Variants in MGAT4C observed in about 807,000 individuals in gnomAD.
MGAT4C encodes MGAT4 family member C, also known as alpha-1,3-mannosyl-glycoprotein 4-beta-N-acetylglucosaminyltransferase C.
MGAT4C carries 19 observed loss-of-function variants against 40.1 expected under a neutral mutation model. The observed-to-expected ratio is 0.47, with a 90% CI of 0.33 to 0.70. The LOEUF (loss-of-function observed/expected upper bound fraction) is 0.70. MGAT4C is among the 30% of genes least tolerant of loss of function. MGAT4C has a pLI of 0.02. For synonymous variants in MGAT4C, 181 were observed against 187.1 expected (o/e 0.97, Z 0.27); for missense variants, 491 against 563.2 (o/e 0.87, Z 1.30).
chr12:86,067,567 G>A (rs1431766868), intron 1 of MGAT4C, among the ~76,000 whole-genome samples: 1 of 151,890 alleles, frequency 6.6e-6, no homozygotes, highest in Non-Finnish European at 1.5e-5. Context: ...GGGGGTGGGG[G>A]GATAGCGGAG....
At chr12:85,986,579 T>A (rs1286643018) in intron 3 of MGAT4C, among the ~76,000 whole-genome samples, 1 of 152,194 alleles carries the variant, frequency 6.6e-6, no homozygotes, top group Non-Finnish European at 1.5e-5. Flanking sequence ...AAGACGAGAA[T>A]AGAATCTGTT....
At chr12:86,652,688 A>C (rs1963726907) in intron 2 of MGAT4C, among the ~76,000 whole-genome samples, 1 of 151,956 alleles carries the variant, frequency 6.6e-6, no homozygotes, top group Admixed American at 6.6e-5. Context: ...GAAAAACAAA[A>C]AAATGAAATA....
At chr12:86,662,040 C>T (rs1299163740) in intron 2 of MGAT4C, among the ~76,000 whole-genome samples, 1 of 152,100 alleles carries the variant, frequency 6.6e-6, no homozygotes, top group Non-Finnish European at 1.5e-5. Context: ...TTGGACTAAC[C>T]TACCCTAATT....
chr12:86,686,774 G>A (rs762979460), intron 2 of MGAT4C, among the ~76,000 whole-genome samples: 10 of 152,220 alleles, frequency 6.6e-5, no homozygotes, highest in East Asian at 3.9e-4. Context: ...GATCTTCATC[G>A]GAGATACTGG....
At chr12:86,408,348 T>C (rs1187497495) in intron 3 of MGAT4C, among the ~76,000 whole-genome samples, 2 of 151,520 alleles carry the variant, frequency 1.3e-5, no homozygotes, top group African/African-American at 4.8e-5. Flanking sequence ...GATTTATATA[T>C]GTGTTTGAGG....
intron 4 of MGAT4C, among the ~76,000 whole-genome samples, chr12:86,269,598 A>G (rs1952890729): frequency 6.6e-6 from 1 of 150,642 alleles, no homozygotes; most frequent in Non-Finnish European, 1.5e-5. Flanking sequence ...TGTAGAAGAG[A>G]TCTCCAGTAT....
At chr12:86,562,432 T>C (rs535015678) in intron 2 of MGAT4C, among the ~76,000 whole-genome samples, 63 of 152,238 alleles carry the variant, frequency 4.1e-4, no homozygotes, top group African/African-American at 1.5e-3. Flanking sequence ...TCCTAAATTC[T>C]GAGGAGGCTT....
In MGAT4C at chr12:85,959,593, A is replaced by T. The variant is rs1883001029; in HGVS notation, c.*19696T>A. On this transcript the variant is annotated 3_prime_UTR_variant, in exon 5 of 5. Coordinates refer to ENST00000611864, the MANE Select transcript of MGAT4C (RefSeq NM_001351288.2). ...CACTCTATTCAAAAAAGTTATTGAA[A>T]TCACATCTTTAAATCTGACCCAGCC... The T allele has an allele frequency of 6.6e-6, 1 of 152,020 alleles. No individual in the cohort carries two copies. Among genetic ancestry groups the T allele is most frequent in the Admixed American group, 6.6e-5 (1 of 15,242 alleles). 9.4% of individuals were successfully genotyped at this position (152,020 alleles called of 1,614,324 possible). A position where few individuals can be genotyped will look rare whatever the true frequency, so the allele number is the denominator to read the frequency against.
chr12:86,295,750 A>G (rs1344617930), intron 4 of MGAT4C, among the ~76,000 whole-genome samples: 1 of 152,080 alleles, frequency 6.6e-6, no homozygotes, highest in Non-Finnish European at 1.5e-5. Flanking sequence ...TCCCCATCAG[A>G]TTAGTTAGAT....
At chr12:86,021,552 C>T (rs1167995404) in intron 2 of MGAT4C, among the ~76,000 whole-genome samples, 1 of 131,844 alleles carries the variant, frequency 7.6e-6, no homozygotes, top group Non-Finnish European at 1.5e-5. Context: ...AACACATGGA[C>T]ACAGTAAGGG....
intron 2 of MGAT4C, among the ~76,000 whole-genome samples, chr12:86,686,125 C>T (rs1950068560): frequency 6.6e-6 from 1 of 151,864 alleles, no homozygotes; most frequent in Non-Finnish European, 1.5e-5. Flanking sequence ...ATGATCTGCC[C>T]GTCTCAGCCT....
chr12:86,186,063 A>G (rs1265030915), intron 1 of MGAT4C, among the ~76,000 whole-genome samples: 1 of 152,176 alleles, frequency 6.6e-6, no homozygotes, highest in Non-Finnish European at 1.5e-5. Flanking sequence ...TCATTTAGCT[A>G]TGGCCAAAGG....
chr12:86,196,768 T>C (rs1026371082), intron 1 of MGAT4C, among the ~76,000 whole-genome samples: 1 of 152,194 alleles, frequency 6.6e-6, no homozygotes, highest in African/African-American at 2.4e-5. Flanking sequence ...ATAGGTAATC[T>C]CTTTAAGGAG....
chr12:86,516,752 A>G lies in MGAT4C; in HGVS notation c.-228-81487T>C, dbSNP rs376251273. Reference sequence around the variant, plus strand: ...AAGACTTATATAAACAACTGCTGCAATTTAATCAAAAATCACATGAAAATA... The same window carrying G: ...AAGACTTATATAAACAACTGCTGCAGTTTAATCAAAAATCACATGAAAATA... On this transcript the variant is annotated intron_variant, in intron 2 of 7. Coordinates refer to the MGAT4C transcript ENST00000548651. 3.5e-3 allele frequency among the ~76,000 whole-genome samples: 527 copies of G among 152,312 alleles called. 5 individuals carry two copies. The highest frequency in any genetic ancestry group is 0.012 in the African/African-American group (510 of 41,578).
intron 2 of MGAT4C, among the ~76,000 whole-genome samples, chr12:86,544,863 T>C (rs192252550): frequency 6.6e-6 from 1 of 152,218 alleles, no homozygotes; most frequent in Admixed American, 6.5e-5. Flanking sequence ...ACTCAATAGA[T>C]ACATTATTCT....
At chr12:86,573,223 T>A in intron 2 of MGAT4C, among the ~76,000 whole-genome samples, 1 of 152,040 alleles carries the variant, frequency 6.6e-6, no homozygotes, top group East Asian at 1.9e-4. Flanking sequence ...CATTTTAATA[T>A]TTTTGAAATA....
Position 86,832,183 on chromosome 12 carries a change from C to G in MGAT4C, c.-262+6483G>C, listed in dbSNP as rs540942097. On this transcript the variant is annotated intron_variant, in intron 1 of 7. Coordinates refer to the MGAT4C transcript ENST00000548651. The stretch of plus-strand genomic sequence containing the variant: ...ACTTCTTCGAAACAAAGCAGAATTA[C>G]CACCTGGCAAAGATTTCCCTCAAGC... Among the ~76,000 whole-genome samples the G allele has an allele frequency of 3.3e-5, 5 of 151,840 alleles. No individual in the cohort carries two copies. The East Asian group carries it at 9.7e-4, about 29-fold the overall frequency.
intron 2 of MGAT4C, among the ~76,000 whole-genome samples, chr12:86,700,834 A>G (rs1409008085): frequency 1.3e-5 from 2 of 152,126 alleles, no homozygotes; most frequent in African/African-American, 4.8e-5. Flanking sequence ...AAACAAATAC[A>G]CCAGGAAGAA....
intron 2 of MGAT4C, among the ~76,000 whole-genome samples, chr12:86,655,569 A>G (rs774876849): frequency 1.3e-5 from 2 of 152,108 alleles, no homozygotes; most frequent in Non-Finnish European, 2.9e-5. Context: ...AATGAAAAAA[A>G]ATTTTATTTG....
Sources: allele counts gnomAD v4.1 joint callset (sites outside exome capture counted in the v4.1 genomes callset), GRCh38; gene constraint gnomAD v4.1.1; transcripts MANE v1.5; gene names NCBI Gene and HGNC (gene_info 2026-07-23, HGNC 2026-07-21).